BAZ2B: variants seen among roughly 807,000 people sequenced by gnomAD.
BAZ2B encodes bromodomain adjacent to zinc finger domain 2B.
Under a neutral mutation model 246.0 loss-of-function variants are expected in BAZ2B, and 91 were observed. The observed-to-expected ratio is 0.37, with a 90% CI of 0.31 to 0.44. The LOEUF is 0.44. BAZ2B is among the 20% of genes least tolerant of loss of function. The pLI is 1.00. For missense variants in BAZ2B, 2,332 were observed against 2,533.7 expected, an observed-to-expected ratio of 0.92 and a Z score of 1.71; for synonymous variants, 855 against 860.0, an observed-to-expected ratio of 0.99 and a Z score of 0.10.
At chr2:159,500,542 T>C (rs949112140) in intron 2 of BAZ2B, among the ~76,000 whole-genome samples, 1 of 152,214 alleles carries the variant, frequency 6.6e-6, no homozygotes, top group African/African-American at 2.4e-5. Flanking sequence ...TCCTAGTTTT[T>C]ATATGGAAGA....
At chr2:159,684,582 G>A in the BAZ2B span, among the ~76,000 whole-genome samples, 4 of 152,124 alleles carry the variant, frequency 2.6e-5, no homozygotes, top group South Asian at 6.2e-4. Flanking sequence ...GTCCACTGCA[G>A]CCTCAAACTC....
At chr2:159,643,876 C>CAAAAAAAAA in the BAZ2B span, among the ~76,000 whole-genome samples, 2 of 65,892 alleles carry the variant, frequency 3.0e-5, no homozygotes, top group African/African-American at 6.0e-5. Context: ...AACTCCATCA[C>CAAAAAAAAA]AAAAAAAAAA....
At chr2:159,566,558 C>T (rs1236078667) in intron 1 of BAZ2B, among the ~76,000 whole-genome samples, 1 of 152,174 alleles carries the variant, frequency 6.6e-6, no homozygotes, top group African/African-American at 2.4e-5. Flanking sequence ...TTCTATAATT[C>T]ACCACCTTAC....
At chr2:159,375,769 A>G (rs914958076) in intron 25 of BAZ2B, among the ~76,000 whole-genome samples, 1 of 152,178 alleles carries the variant, frequency 6.6e-6, no homozygotes, top group African/African-American at 2.4e-5. Context: ...GCTCATGAAT[A>G]TGTGGCACAG....
At chr2:159,659,248 A>C in the BAZ2B span, among the ~76,000 whole-genome samples, 1 of 152,204 alleles carries the variant, frequency 6.6e-6, no homozygotes, top group Admixed American at 6.6e-5. Context: ...GTTGTGGCTC[A>C]ATCAGCCTCA....
chr2:159,631,769 T>G, the BAZ2B span, among the ~76,000 whole-genome samples: 1 of 152,236 alleles, frequency 6.6e-6, no homozygotes, highest in African/African-American at 2.4e-5. Context: ...CAACTCATTT[T>G]GAAAACTGGT....
intron 3 of BAZ2B, chr2:159,463,318 A>G: frequency 3.5e-6 from 1 of 288,128 alleles, no homozygotes; most frequent in South Asian, 3.7e-5. Flanking sequence ...TAACGTGTCT[A>G]TTGTTAATCG....
chr2:159,642,480 C>T, the BAZ2B span, among the ~76,000 whole-genome samples: 1 of 151,808 alleles, frequency 6.6e-6, no homozygotes, highest in South Asian at 2.1e-4. Flanking sequence ...CTCAAGTGAT[C>T]CACCCGCCTC....
chr2:159,532,537 A>T (rs977101126), intron 2 of BAZ2B, among the ~76,000 whole-genome samples: 1 of 152,216 alleles, frequency 6.6e-6, no homozygotes, highest in African/African-American at 2.4e-5. Flanking sequence ...TAAAAAGACA[A>T]TGCACTGTAC....
intron 2 of BAZ2B, among the ~76,000 whole-genome samples, chr2:159,492,843 A>T (rs575973365): frequency 6.0e-4 from 91 of 152,314 alleles, no homozygotes; most frequent in Admixed American, 1.4e-3. Context: ...CAAACTCAGA[A>T]TTATAGTATT....
the BAZ2B span, among the ~76,000 whole-genome samples, chr2:159,688,031 T>C: frequency 1.3e-5 from 2 of 152,256 alleles, no homozygotes; most frequent in African/African-American, 4.8e-5. Flanking sequence ...AAAGTAAAAG[T>C]TTATTTTCTA....
chr2:159,370,464 G>A (rs1576220439), intron 27 of BAZ2B, among the ~76,000 whole-genome samples: 1 of 137,350 alleles, frequency 7.3e-6, no homozygotes, highest in Non-Finnish European at 1.5e-5. Flanking sequence ...TCCGTCTCCC[G>A]GGTTCATGCC....
intron 1 of BAZ2B, among the ~76,000 whole-genome samples, chr2:159,559,967 A>C (rs2089657750): frequency 6.6e-6 from 1 of 152,200 alleles, no homozygotes; most frequent in African/African-American, 2.4e-5. Context: ...AACATCTACA[A>C]ATGTTACCTA....
Position 159,404,835 on chromosome 2 carries a change from A to G in BAZ2B, c.2832+14T>C. 6.2e-7 allele frequency: 1 copy of G among 1,607,492 alleles called. No individual in the cohort carries two copies. The highest frequency in any genetic ancestry group is 8.5e-7 in the Non-Finnish European group (1 of 1,176,306). ...TCCCATATTTTAAAAGTCACTTCCA[A>G]TGTATACACATACCTGCTGTTTCAT... On this transcript the variant is annotated intron_variant, in intron 16 of 36. Transcript: ENST00000392783.
chr2:159,348,938 C>G, intron 29 of BAZ2B, 69 bp downstream of exon 29: 1 of 1,560,450 alleles, frequency 6.4e-7, no homozygotes, highest in Non-Finnish European at 8.7e-7. Flanking sequence ...ATCAAATATT[C>G]AGTTATAATA....
At chr2:159,542,375 A>C (rs2086762057) in intron 2 of BAZ2B, among the ~76,000 whole-genome samples, 1 of 152,256 alleles carries the variant, frequency 6.6e-6, no homozygotes, top group Non-Finnish European at 1.5e-5. Flanking sequence ...AAAGAGATCC[A>C]CACAAAGACA....
chr2:159,672,771 C>A, the BAZ2B span, among the ~76,000 whole-genome samples: 1 of 152,120 alleles, frequency 6.6e-6, no homozygotes, highest in South Asian at 2.1e-4. Context: ...GAAAAATGCA[C>A]TTTTTGATAA....
intron 3 of BAZ2B, among the ~76,000 whole-genome samples, chr2:159,471,153 T>C (rs1408855877): frequency 1.3e-5 from 2 of 152,104 alleles, no homozygotes; most frequent in African/African-American, 4.8e-5. Flanking sequence ...TCTGCTGAGG[T>C]TGAATGAGAT....
At chr2:159,600,147 T>G (rs1691799827) in intron 1 of BAZ2B, among the ~76,000 whole-genome samples, 2 of 152,114 alleles carry the variant, frequency 1.3e-5, no homozygotes, top group African/African-American at 2.4e-5. Flanking sequence ...TTGTACATAG[T>G]GCATAGGCTC....
Sources: allele counts gnomAD v4.1 joint callset (sites outside exome capture counted in the v4.1 genomes callset), GRCh38; gene constraint gnomAD v4.1.1; transcripts MANE v1.5; gene names NCBI Gene and HGNC (gene_info 2026-07-23, HGNC 2026-07-21).